Variants in TBC1D4 observed in about 807,000 individuals in gnomAD.
The protein encoded by TBC1D4 is TBC (Tre-2, BUB2, CDC16) domain-containing protein.
In TBC1D4, 121 loss-of-function variants were observed where a neutral mutation model predicts 142.5. The ratio of observed to expected loss-of-function variants is 0.85; its 90% CI spans 0.73 to 0.99. TBC1D4 has a LOEUF of 0.99. Ranked by LOEUF, TBC1D4 falls within the 50% of genes least tolerant of loss-of-function variation. The pLI, the probability that TBC1D4 is intolerant of heterozygous loss-of-function variation, is 0.00. For synonymous variants in TBC1D4, 630 were observed against 628.2 expected (o/e 1.00, Z -0.04); for missense variants, 1,475 against 1,606.6 (o/e 0.92, Z 1.40).
chr13:75,410,017 A>T, intron 1 of TBC1D4, among the ~76,000 whole-genome samples: 1 of 152,336 alleles, frequency 6.6e-6, no homozygotes, highest in Middle Eastern at 3.4e-3. Context: ...GTTTATCTTA[A>T]CCAAATTTGC....
intron 19 of TBC1D4, among the ~76,000 whole-genome samples, chr13:75,291,745 C>T (rs1270972929): frequency 1.3e-5 from 2 of 152,200 alleles, no homozygotes; most frequent in African/African-American, 4.8e-5. Context: ...AAAGCCTGTA[C>T]TCCTGCCACG....
intron 15 of TBC1D4, among the ~76,000 whole-genome samples, chr13:75,303,540 T>C (rs2137896193): frequency 6.6e-6 from 1 of 152,324 alleles, no homozygotes; most frequent in South Asian, 2.1e-4. Flanking sequence ...AGAATTCAAT[T>C]CTGCACAGTG....
At chr13:75,334,207 C>A (rs1880005781) in intron 8 of TBC1D4, among the ~76,000 whole-genome samples, 2 of 152,030 alleles carry the variant, frequency 1.3e-5, no homozygotes, top group South Asian at 4.2e-4. Flanking sequence ...CTGTTGCTAT[C>A]ATTTATGTCA....
At chr13:75,369,675 T>C (rs531519439) in intron 1 of TBC1D4, among the ~76,000 whole-genome samples, 1 of 152,288 alleles carries the variant, frequency 6.6e-6, no homozygotes, top group African/African-American at 2.4e-5. Context: ...AGGTCTCAGG[T>C]TTTTCATATG....
intron 1 of TBC1D4, among the ~76,000 whole-genome samples, chr13:75,468,901 G>A (rs879257208): frequency 1.3e-5 from 2 of 152,166 alleles, no homozygotes; most frequent in Non-Finnish European, 2.9e-5. Context: ...TCAGTGTGAA[G>A]CTTACATTCC....
At chr13:75,307,896 A>G (rs1877342960) in intron 14 of TBC1D4, among the ~76,000 whole-genome samples, 1 of 152,226 alleles carries the variant, frequency 6.6e-6, no homozygotes. Context: ...TGGCTTTATT[A>G]AGGCTAAAAA....
intron 1 of TBC1D4, among the ~76,000 whole-genome samples, chr13:75,470,811 C>T (rs2138323434): frequency 6.6e-6 from 1 of 152,062 alleles, no homozygotes; most frequent in Middle Eastern, 3.4e-3. Context: ...CATAGTGAAA[C>T]CTCGTTTCTA....
intron 7 of TBC1D4, among the ~76,000 whole-genome samples, chr13:75,337,658 G>A (rs928394812): frequency 2.0e-5 from 3 of 152,160 alleles, no homozygotes; most frequent in Admixed American, 6.5e-5. Flanking sequence ...ACTTTCAAGC[G>A]AGAAACCTTA....
At chr13:75,411,129 T>C (rs1488806123) in intron 1 of TBC1D4, among the ~76,000 whole-genome samples, 1 of 152,084 alleles carries the variant, frequency 6.6e-6, no homozygotes, top group Non-Finnish European at 1.5e-5. Context: ...TTAAACGCTC[T>C]TCTCCACAAC....
chr13:75,376,542 T>C (rs182554408), intron 1 of TBC1D4, among the ~76,000 whole-genome samples: 11 of 152,292 alleles, frequency 7.2e-5, no homozygotes, highest in Admixed American at 5.9e-4. Context: ...CATGTCTGGC[T>C]AATTTTTGTA....
rs553879229 is a variant in TBC1D4 at position 75,450,071 on chromosome 13, G to T, written c.498+31199C>A. ...ACAGAAGCTGATAGGAATTTTAATG[G>T]ATTTGAAAATGATTTTCTTGAAATT... On this transcript the variant is annotated intron_variant, in intron 1 of 20. Coordinates refer to ENST00000377636, the MANE Select transcript of TBC1D4 (RefSeq NM_014832.5). Among the ~76,000 whole-genome samples, 6 of 152,202 alleles carry T rather than the reference G, an allele frequency of 3.9e-5. No homozygotes were observed. The South Asian group carries it at 8.3e-4, about 21-fold the overall frequency.
At chr13:75,399,993 G>A (rs772474905) in intron 1 of TBC1D4, among the ~76,000 whole-genome samples, 41 of 152,060 alleles carry the variant, frequency 2.7e-4, no homozygotes, top group Non-Finnish European at 5.7e-4. Flanking sequence ...ACACCACAAG[G>A]TCAGCCGAGG....
chr13:75,379,280 A>T (rs1031619755), intron 1 of TBC1D4, among the ~76,000 whole-genome samples: 6 of 152,094 alleles, frequency 3.9e-5, no homozygotes, highest in Non-Finnish European at 8.8e-5. Context: ...ACACACACAC[A>T]GCTTTTCAAG....
chr13:75,318,647 T>A (rs897235321), intron 12 of TBC1D4, among the ~76,000 whole-genome samples: 1 of 152,234 alleles, frequency 6.6e-6, no homozygotes, highest in Admixed American at 6.5e-5. Flanking sequence ...TTTAACTGCA[T>A]ACATGTCTGT....
chr13:75,392,418 C>T (rs933015199), intron 1 of TBC1D4, among the ~76,000 whole-genome samples: 12 of 152,172 alleles, frequency 7.9e-5, no homozygotes, highest in African/African-American at 2.2e-4. Context: ...AAGACCCTCA[C>T]AGCAGACAAT....
chr13:75,384,440 A>G (rs932667175), intron 1 of TBC1D4, among the ~76,000 whole-genome samples: 6 of 152,000 alleles, frequency 3.9e-5, no homozygotes. Flanking sequence ...CAAAAACCTC[A>G]CCTCCAATGA....
intron 1 of TBC1D4, among the ~76,000 whole-genome samples, chr13:75,431,402 G>A (rs760793588): frequency 1.3e-5 from 2 of 152,040 alleles, no homozygotes; most frequent in African/African-American, 4.8e-5. Flanking sequence ...CAATTATGTC[G>A]CTAAAGCTGT....
In TBC1D4 at chr13:75,481,740, C is replaced by T; in HGVS notation, c.28G>A (p.Glu10Lys). The change falls in exon 1 of 21, where the codon GAG becomes AAG. Residue 10 changes from glutamate (E) to lysine (K), a missense_variant. Physicochemically the swap from Glu to Lys is moderately conservative, Grantham distance 56. Around this residue, in one of 2 missense-constraint regions of TBC1D4, gnomAD observed 1,227 missense variants for 1,267.7 expected, o/e 0.97. Transcript: ENST00000377636. ...GGCTCCAGGGGGTGCGGGAACGGCTCATCCTGAATGCAGCTGGGCGGCTCC... is the reference window on the plus strand; with the variant it reads ...GGCTCCAGGGGGTGCGGGAACGGCTTATCCTGAATGCAGCTGGGCGGCTCC... MEPPSCIQD[E>K]PFPHPLEPEP... 1 of 1,593,278 alleles carries T rather than the reference C, an allele frequency of 6.3e-7. No homozygotes were observed. The highest frequency in any genetic ancestry group is 1.1e-5 in the South Asian group (1 of 88,536).
chr13:75,359,830 C>T lies in TBC1D4; in HGVS notation c.1109G>A (p.Ser370Asn). 1 of 1,613,642 alleles carries T rather than the reference C, an allele frequency of 6.2e-7. No individual in the cohort carries two copies. The highest frequency in any genetic ancestry group is 8.5e-7 in the Non-Finnish European group (1 of 1,179,752). The change falls in exon 3 of 21, where the codon AGT becomes AAT. Residue 370 changes from serine to asparagine, a missense_variant. Transcript: ENST00000377636. ...QVGRFEINLI[S>N]PDTKSVVLEK... Reference sequence around the variant, plus strand: ...TAGCACAACTGATTTAGTGTCTGGACTGATAAGGTTAATCTCAAATCGCCC... The same window carrying T: ...TAGCACAACTGATTTAGTGTCTGGATTGATAAGGTTAATCTCAAATCGCCC...
Sources: gnomAD v4.1 joint callset for allele counts (sites outside exome capture counted in the v4.1 genomes callset) on GRCh38, gnomAD v4.1.1 for gene constraint, gnomAD v4.1.1 regional missense constraint, MANE v1.5 for transcripts, NCBI Gene and HGNC (gene_info 2026-07-23, HGNC 2026-07-21) for gene names.